Variants in STAG1 observed in about 807,000 individuals in gnomAD.
STAG1 encodes the protein STAG1 cohesin complex component.
STAG1 carries 26 observed loss-of-function variants against 170.9 expected under a neutral mutation model. The observed-to-expected ratio is 0.15, with a 90% CI of 0.11 to 0.21. The LOEUF is 0.21. Among genes scored for constraint, STAG1 ranks in the 10% least tolerant of loss-of-function variants. The pLI, the probability that STAG1 is intolerant of heterozygous loss-of-function variation, is 1.00. For synonymous variants in STAG1, 514 were observed against 497.7 expected (o/e 1.03, Z -0.44); for missense variants, 964 against 1,509.5 (o/e 0.64, Z 5.99).
chr3:136,632,286 T>C (rs1216182907), intron 1 of STAG1, among the ~76,000 whole-genome samples: 1 of 152,160 alleles, frequency 6.6e-6, no homozygotes, highest in Non-Finnish European at 1.5e-5. Flanking sequence ...TTTACAGAAT[T>C]CCTGAATCTA....
At chr3:136,687,827 C>A (rs1205168115) in intron 1 of STAG1, among the ~76,000 whole-genome samples, 1 of 151,746 alleles carries the variant, frequency 6.6e-6, no homozygotes, top group East Asian at 1.9e-4. Context: ...ACCTCCACCT[C>A]CTGGGTTCAA....
rs186751455 is a variant in STAG1 at position 136,426,166 on chromosome 3, G to A, written c.1651-3122C>T. Among the ~76,000 whole-genome samples the A allele has an allele frequency of 8.9e-3, 1,354 of 151,784 alleles. 24 individuals are homozygous for A. The highest frequency in any genetic ancestry group is 0.029 in the African/African-American group (1,205 of 41,416). On this transcript the variant is annotated intron_variant, in intron 16 of 33. Transcript: ENST00000383202. ...CTCATGCCTGTAATCCCAGCACTTT[G>A]GGAGGCCGAGGCGGGCAGATCACGA... is the stretch of plus-strand genomic sequence containing the variant.
intron 10 of STAG1, among the ~76,000 whole-genome samples, chr3:136,476,777 T>G (rs1263631559): frequency 3.3e-5 from 5 of 152,166 alleles, no homozygotes; most frequent in African/African-American, 7.2e-5. Flanking sequence ...TTATCACTCC[T>G]ACCCATGGTT....
At chr3:136,582,298 C>T (rs1576631271) in intron 4 of STAG1, among the ~76,000 whole-genome samples, 1 of 152,146 alleles carries the variant, frequency 6.6e-6, no homozygotes, top group African/African-American at 2.4e-5. Context: ...AGGTAATAAA[C>T]ACGGCTAGAA....
chr3:136,340,288 A>G (rs1298019921), intron 32 of STAG1, among the ~76,000 whole-genome samples: 1 of 151,784 alleles, frequency 6.6e-6, no homozygotes, highest in Non-Finnish European at 1.5e-5. Context: ...ACGCCTGGCT[A>G]ATTTTGTATT....
intron 13 of STAG1, among the ~76,000 whole-genome samples, chr3:136,455,727 C>G (rs890729754): frequency 6.6e-6 from 1 of 152,190 alleles, no homozygotes; most frequent in Admixed American, 6.5e-5. Context: ...GATCAAATCC[C>G]TAGATGTATT....
At chr3:136,716,462 C>G (rs1402080541) in intron 1 of STAG1, among the ~76,000 whole-genome samples, 1 of 151,072 alleles carries the variant, frequency 6.6e-6, no homozygotes, top group African/African-American at 2.4e-5. Flanking sequence ...AACTCCATCT[C>G]AAAAAAGAAA....
chr3:136,618,320 C>T (rs1939688502), intron 3 of STAG1, among the ~76,000 whole-genome samples: 1 of 152,192 alleles, frequency 6.6e-6, no homozygotes, highest in Non-Finnish European at 1.5e-5. Context: ...CAGCAGCAGG[C>T]GCCACATGCG....
Position 136,343,939 on chromosome 3 carries a change from T to C in STAG1, c.3339A>G (p.Pro1113=), listed in dbSNP as rs543312959. The C allele has an allele frequency of 5.1e-5, 83 of 1,612,526 alleles. No individual in the cohort carries two copies. The South Asian group carries it at 8.5e-4, about 16-fold the overall frequency. ...DTMIQTPGPL[P]APQLTSTVLR... is the part of the protein sequence containing the mutation. The stretch of plus-strand genomic sequence containing the variant: ...GTACAGTGGATGTGAGTTGTGGTGC[T>C]GGCAGGGGGCCAGGAGTCTGAATCA... The change falls in exon 30 of 34, where the codon CCA becomes CCG. Residue 1113 remains proline, a synonymous_variant. Transcript: ENST00000383202.
intron 1 of STAG1, among the ~76,000 whole-genome samples, chr3:136,738,513 C>A (rs1312927567): frequency 6.6e-6 from 1 of 151,820 alleles, no homozygotes; most frequent in Non-Finnish European, 1.5e-5. Context: ...TAGCTGGACA[C>A]GGTGGCACGC....
intron 1 of STAG1, among the ~76,000 whole-genome samples, chr3:136,695,556 T>C (rs951914669): frequency 9.9e-5 from 15 of 151,082 alleles, no homozygotes; most frequent in East Asian, 3.9e-4. Context: ...TGTAAATAAA[T>C]CTAGGTGACT....
chr3:136,571,112 TG>T (rs1353528392), intron 4 of STAG1, among the ~76,000 whole-genome samples: 3 of 152,170 alleles, frequency 2.0e-5, no homozygotes, highest in Middle Eastern at 3.2e-3. Flanking sequence ...GGCATAAAAC[TG>T]AAGAAGTCAC....
intron 5 of STAG1, among the ~76,000 whole-genome samples, chr3:136,542,578 C>G (rs965476714): frequency 1.3e-5 from 2 of 151,404 alleles, no homozygotes; most frequent in African/African-American, 2.4e-5. Flanking sequence ...ACTCTTTGAT[C>G]CACAGATTGT....
chr3:136,684,498 C>T (rs1157189686), intron 1 of STAG1, among the ~76,000 whole-genome samples: 3 of 152,178 alleles, frequency 2.0e-5, no homozygotes, highest in African/African-American at 7.2e-5. Context: ...GCCTGTAATT[C>T]CAGCACTTTG....
chr3:136,443,258 A>C, intron 15 of STAG1, 29 bp downstream of exon 15: 2 of 1,493,160 alleles, frequency 1.3e-6, no homozygotes, highest in Non-Finnish European at 1.9e-6. Flanking sequence ...ATACAAAATC[A>C]TGTAAATTAA....
chr3:136,691,831 C>T (rs762445991), intron 1 of STAG1, among the ~76,000 whole-genome samples: 1 of 152,206 alleles, frequency 6.6e-6, no homozygotes, highest in East Asian at 1.9e-4. Context: ...AGATCATCTA[C>T]ATATCATAGT....
chr3:136,495,490 A>T (rs1221280434), intron 9 of STAG1, among the ~76,000 whole-genome samples: 2 of 152,178 alleles, frequency 1.3e-5, no homozygotes, highest in Non-Finnish European at 2.9e-5. Context: ...CAAGAAAATG[A>T]AAAAAAGCTA....
intron 4 of STAG1, among the ~76,000 whole-genome samples, chr3:136,591,740 A>G (rs1559896687): frequency 6.6e-6 from 1 of 152,226 alleles, no homozygotes; most frequent in Non-Finnish European, 1.5e-5. Flanking sequence ...AACCAGAGAG[A>G]GATAATTAAA....
At chr3:136,735,238 A>C (rs1225176143) in intron 1 of STAG1, among the ~76,000 whole-genome samples, 1 of 150,726 alleles carries the variant, frequency 6.6e-6, no homozygotes, top group Non-Finnish European at 1.5e-5. Context: ...CCATCCTCCC[A>C]CCTCAGCCTC....
Sources: allele counts gnomAD v4.1 joint callset (sites outside exome capture counted in the v4.1 genomes callset), GRCh38; gene constraint gnomAD v4.1.1; transcripts MANE v1.5; gene names NCBI Gene and HGNC (gene_info 2026-07-23, HGNC 2026-07-21).